Variants in ERICH1 observed in about 807,000 individuals in gnomAD.
ERICH1 encodes glutamate-rich protein 1.
In ERICH1, 56 loss-of-function variants were observed where a neutral mutation model predicts 39.6. The ratio of observed to expected loss-of-function variants is 1.41; its 90% confidence interval spans 1.14 to 1.77. The LOEUF (loss-of-function observed/expected upper bound fraction) is 1.77. Ranked by LOEUF, ERICH1 falls within the 40% of genes most tolerant of loss-of-function variation. The pLI is 0.00. For missense variants in ERICH1, 826 were observed against 575.4 expected (o/e 1.44, Z -4.45); for synonymous variants, 313 against 223.6 (o/e 1.40, Z -3.57).
chr8:639,867 G>T (rs1474356977), intron 3 of ERICH1, among the ~76,000 whole-genome samples: 1 of 152,138 alleles, frequency 6.6e-6, no homozygotes, highest in Non-Finnish European at 1.5e-5. Context: ...GAGGCAGCCG[G>T]TTTTTCAGAA....
At chr8:633,397 T>A (rs959140623) in intron 3 of ERICH1, among the ~76,000 whole-genome samples, 1 of 152,200 alleles carries the variant, frequency 6.6e-6, no homozygotes, top group South Asian at 2.1e-4. Flanking sequence ...CACAACAGCA[T>A]GGGTAAATCT....
intron 2 of ERICH1, among the ~76,000 whole-genome samples, chr8:708,347 G>A (rs1476077081): frequency 6.6e-6 from 1 of 152,074 alleles, no homozygotes; most frequent in Non-Finnish European, 1.5e-5. Flanking sequence ...ACATGTGCAT[G>A]GATTCTCATA....
chr8:673,928 G>C lies in ERICH1; in HGVS notation c.424C>G (p.Leu142Val), dbSNP rs772534744. ...EQAELEKQQS[L>V]LQEKSQRQHT... The stretch of plus-strand genomic sequence containing the variant: ...TGTCGCTGAGATTTCTCCTGTAACA[G>C]ACTCTGCTGTTTCTCTAATTCTGCT... The change falls in exon 4 of 6, where the codon CTG becomes GTG. Residue 142 changes from leucine to valine, a missense_variant. Transcript: ENST00000262109. 1.2e-6 allele frequency: 2 copies of C among 1,612,852 alleles called. No individual in the cohort carries two copies. The highest frequency in any genetic ancestry group is 1.7e-6 in the Non-Finnish European group (2 of 1,179,924).
chr8:671,172 C>T (rs1803263062), intron 4 of ERICH1, among the ~76,000 whole-genome samples: 1 of 147,566 alleles, frequency 6.8e-6, no homozygotes, highest in East Asian at 2.0e-4. Flanking sequence ...CACTGGGCTC[C>T]AGGCTCCGAC....
At chr8:688,192 G>T (rs528441828) in intron 3 of ERICH1, among the ~76,000 whole-genome samples, 2 of 149,750 alleles carry the variant, frequency 1.3e-5, no homozygotes, top group Non-Finnish European at 3.0e-5. Context: ...CGCAGGACAC[G>T]GCAAGGCCCC....
rs1442147924 is a variant in ERICH1 at position 647,404 on chromosome 8, A to G, written c.976+21194T>C. Reference sequence around the variant, plus strand: ...ATGAGTTTGAATGAATTATACCTTGACACTGGACTTGCCCAAGGGTCAGGA... The same window carrying G: ...ATGAGTTTGAATGAATTATACCTTGGCACTGGACTTGCCCAAGGGTCAGGA... On this transcript the variant is annotated intron_variant, in intron 3 of 3. Transcript: ENST00000522706. Among the ~76,000 whole-genome samples the G allele has an allele frequency of 5.9e-5, 4 of 68,174 alleles. 2 individuals carry two copies. Among genetic ancestry groups the G allele is most frequent in the African/African-American group, 1.5e-4 (4 of 26,162 alleles). 44.7% of individuals were successfully genotyped at this position (68,174 alleles called of 152,430 possible).
At chr8:664,825 A>C in intron 5 of ERICH1, 149 bp from the exon 6 acceptor site, 2 of 604,238 alleles carry the variant, frequency 3.3e-6, no homozygotes, top group East Asian at 2.8e-5. Context: ...CTGATGTTGA[A>C]AGTGACACAT....
At chr8:626,715 T>G (rs568980340) in intron 3 of ERICH1, 1 of 175,454 alleles carries the variant, frequency 5.7e-6, no homozygotes, top group East Asian at 1.3e-4. Flanking sequence ...CTGGCGTCTG[T>G]CTCTCATCGC....
At chr8:627,259 C>G in intron 3 of ERICH1, 1 of 455,940 alleles carries the variant, frequency 2.2e-6, no homozygotes, top group South Asian at 1.5e-5. Flanking sequence ...GAGATAAGAA[C>G]ACTTACCTTA....
At chr8:690,287 C>A (rs946291644) in intron 3 of ERICH1, among the ~76,000 whole-genome samples, 1 of 152,238 alleles carries the variant, frequency 6.6e-6, no homozygotes, top group African/African-American at 2.4e-5. Flanking sequence ...ACCCAAAGAA[C>A]ACAGACAAGA....
At chr8:688,556 C>A (rs1489218627) in intron 3 of ERICH1, among the ~76,000 whole-genome samples, 1 of 151,998 alleles carries the variant, frequency 6.6e-6, no homozygotes, top group Non-Finnish European at 1.5e-5. Flanking sequence ...CCAACACAAG[C>A]GTTTAAAAAG....
At chr8:723,901 T>C (rs1012165049) in intron 1 of ERICH1, among the ~76,000 whole-genome samples, 4 of 152,178 alleles carry the variant, frequency 2.6e-5, no homozygotes, top group African/African-American at 9.7e-5. Flanking sequence ...AAACTGGTAA[T>C]AGAATTACAT....
chr8:716,789 G>C (rs1459465554), intron 1 of ERICH1, among the ~76,000 whole-genome samples: 1 of 152,136 alleles, frequency 6.6e-6, no homozygotes, highest in African/African-American at 2.4e-5. Context: ...GACTTGGCCT[G>C]ACTGGAGGCG....
chr8:643,119 C>G (rs1272749384), intron 3 of ERICH1, among the ~76,000 whole-genome samples: 2 of 152,132 alleles, frequency 1.3e-5, no homozygotes, highest in African/African-American at 4.8e-5. Flanking sequence ...GGGAAGGCGC[C>G]CTGCCTGGCG....
Position 716,025 on chromosome 8 carries a change from T to G in ERICH1, c.23-18A>C. ...CACAAACACTGTACAGACAACCGAT[T>G]AAAAGAAAAGGAGGAAAAGGAATGA... is the stretch of plus-strand genomic sequence containing the variant. On this transcript the variant is annotated intron_variant, in intron 1 of 5. Coordinates refer to ENST00000262109, the MANE Select transcript of ERICH1 (RefSeq NM_207332.3). 6.3e-7 allele frequency: 1 copy of G among 1,574,996 alleles called. No homozygotes were observed. Among genetic ancestry groups the G allele is most frequent in the Non-Finnish European group, 8.6e-7 (1 of 1,164,986 alleles).
At chr8:729,982 C>T (rs1309088166) in intron 1 of ERICH1, among the ~76,000 whole-genome samples, 1 of 152,154 alleles carries the variant, frequency 6.6e-6, no homozygotes, top group African/African-American at 2.4e-5. Flanking sequence ...AGAAGCCCCC[C>T]ACCAAGAAGG....
chr8:684,586 G>A (rs1321289101), intron 3 of ERICH1, among the ~76,000 whole-genome samples: 1 of 152,124 alleles, frequency 6.6e-6, no homozygotes, highest in Non-Finnish European at 1.5e-5. Context: ...TCTGAAGCCT[G>A]CAGCTTAATT....
intron 3 of ERICH1, among the ~76,000 whole-genome samples, chr8:678,185 G>A (rs1013255933): frequency 6.6e-6 from 1 of 151,886 alleles, no homozygotes; most frequent in Non-Finnish European, 1.5e-5. Context: ...CCTTTTCTCA[G>A]GATGCTCCCT....
At chr8:631,467 C>G (rs66516008) in intron 3 of ERICH1, among the ~76,000 whole-genome samples, 2 of 151,870 alleles carry the variant, frequency 1.3e-5, no homozygotes, top group African/African-American at 4.8e-5. Context: ...GTAACCTGAG[C>G]GGGAAGTGGA....
Sources: gnomAD v4.1 joint callset for allele counts (sites outside exome capture counted in the v4.1 genomes callset) on GRCh38, gnomAD v4.1.1 for gene constraint, MANE v1.5 for transcripts, NCBI Gene and HGNC (gene_info 2026-07-23, HGNC 2026-07-21) for gene names.